Variants in PLEKHA7 observed in about 807,000 individuals in gnomAD.
The protein encoded by PLEKHA7 is pleckstrin homology domain-containing family A member 7.
PLEKHA7 carries 104 observed loss-of-function variants against 170.0 expected under a neutral mutation model. That is an observed-to-expected ratio of 0.61 (90% CI 0.52 to 0.72). The LOEUF (loss-of-function observed/expected upper bound fraction) is 0.72, where lower values mean the gene tolerates loss of function less well. Among genes scored for constraint, PLEKHA7 ranks in the 30% least tolerant of loss-of-function variants. PLEKHA7 has a pLI of 0.00. For missense variants in PLEKHA7, 1,615 were observed against 1,671.7 expected, an observed-to-expected ratio of 0.97 and a Z score of 0.59; for synonymous variants, 648 against 660.8, an observed-to-expected ratio of 0.98 and a Z score of 0.30.
chr11:16,931,141 C>T (rs575254628), intron 3 of PLEKHA7, among the ~76,000 whole-genome samples: 12 of 152,222 alleles, frequency 7.9e-5, no homozygotes, highest in African/African-American at 2.9e-4. Context: ...TCACAAAACA[C>T]CTAATAAGCT....
rs554091972 is a variant in PLEKHA7, at chr11:16,900,414, T to C, written c.222-29232A>G. The stretch of plus-strand genomic sequence containing the variant: ...TTCTGTTAATGCCTTGTAACTTTCA[T>C]GAGGTGTTTTACTAGGTTACAAGTA... On this transcript the variant is annotated intron_variant, in intron 3 of 26. Transcript: ENST00000531066. Among the ~76,000 whole-genome samples, 18 of 152,330 alleles carry C rather than the reference T, an allele frequency of 1.2e-4. No homozygotes were observed. In the South Asian group the frequency reaches 3.7e-3, roughly 32 times the overall value.
chr11:16,952,878 G>A (rs574123512), intron 3 of PLEKHA7, among the ~76,000 whole-genome samples: 36 of 152,274 alleles, frequency 2.4e-4, no homozygotes, highest in Non-Finnish European at 3.4e-4. Flanking sequence ...AGAGAACAAA[G>A]CCTCTATGTA....
chr11:16,951,392 ATAACG>A (rs775711234), intron 3 of PLEKHA7, among the ~76,000 whole-genome samples: 45 of 152,322 alleles, frequency 3.0e-4, no homozygotes, highest in South Asian at 4.1e-4. Context: ...GACAACAACA[ATAACG>A]GTGCATTCTA....
rs1848765929 is a variant in PLEKHA7 at position 16,777,683 on chromosome 11, T to A, written c.*1315A>T. The A allele has an allele frequency of 2.6e-5, 4 of 152,242 alleles. No individual in the cohort carries two copies. The highest frequency in any genetic ancestry group is 2.0e-4 in the Admixed American group (3 of 15,288). The allele number at this position is 152,242 out of a possible 1,614,324, so 9.4% of individuals were successfully genotyped here. A position where few individuals can be genotyped will look rare whatever the true frequency, so the allele number is the denominator to read the frequency against. On this transcript the variant is annotated 3_prime_UTR_variant, in exon 27 of 27. Coordinates refer to ENST00000531066, the MANE Select transcript of PLEKHA7 (RefSeq NM_001329630.2). ...GCCACAAACACTGCACCTGGCTTGG[T>A]AGCCCCCCTCCTCATGTGGGGCTGG... is the stretch of plus-strand genomic sequence containing the variant.
At chr11:16,873,753 G>C (rs1028319503) in intron 3 of PLEKHA7, among the ~76,000 whole-genome samples, 3 of 152,136 alleles carry the variant, frequency 2.0e-5, no homozygotes, top group Admixed American at 2.0e-4. Flanking sequence ...TGCAACCTCT[G>C]CCTCCAGGGT....
chr11:16,882,193 T>C (rs1383328891), intron 3 of PLEKHA7, among the ~76,000 whole-genome samples: 1 of 152,216 alleles, frequency 6.6e-6, no homozygotes, highest in Non-Finnish European at 1.5e-5. Flanking sequence ...CAAGGGGTTT[T>C]GTCCTGAGTC....
chr11:16,906,107 T>A (rs1234553593), intron 3 of PLEKHA7, among the ~76,000 whole-genome samples: 1 of 152,134 alleles, frequency 6.6e-6, no homozygotes, highest in East Asian at 1.9e-4. Context: ...GCAGGACTGT[T>A]GTGGGCTGAA....
chr11:16,804,750 T>C (rs1038612651), intron 13 of PLEKHA7, among the ~76,000 whole-genome samples: 5 of 152,182 alleles, frequency 3.3e-5, no homozygotes, highest in African/African-American at 1.2e-4. Flanking sequence ...TGTTGTTGAG[T>C]TCCCGGAAAA....
At chr11:17,004,546 C>T (rs1225803518) in intron 3 of PLEKHA7, among the ~76,000 whole-genome samples, 2 of 152,038 alleles carry the variant, frequency 1.3e-5, no homozygotes. Flanking sequence ...GCACGCACCA[C>T]CATACCCAGC....
chr11:16,983,222 T>C (rs1331574227), intron 3 of PLEKHA7, among the ~76,000 whole-genome samples: 2 of 152,208 alleles, frequency 1.3e-5, no homozygotes, highest in Non-Finnish European at 2.9e-5. Flanking sequence ...CAACCTGAAA[T>C]GGAACTTCCT....
chr11:16,993,335 G>T (rs10766368), intron 3 of PLEKHA7, among the ~76,000 whole-genome samples: 1 of 151,928 alleles, frequency 6.6e-6, no homozygotes. Context: ...CGGGCAGAGT[G>T]GGGGGCAGGC....
At chr11:16,924,508 G>C (rs1859345278) in intron 3 of PLEKHA7, among the ~76,000 whole-genome samples, 1 of 152,192 alleles carries the variant, frequency 6.6e-6, no homozygotes, top group Non-Finnish European at 1.5e-5. Flanking sequence ...TTGAGGAAGG[G>C]GATGGGAGTG....
chr11:16,848,835 C>A (rs1852684139), intron 8 of PLEKHA7, among the ~76,000 whole-genome samples: 1 of 152,176 alleles, frequency 6.6e-6, no homozygotes, highest in Non-Finnish European at 1.5e-5. Context: ...TAGCACCAGT[C>A]TGAGAACTTC....
chr11:16,889,400 C>CAAAAAAA lies in PLEKHA7; in HGVS notation c.222-18225_222-18219dup, dbSNP rs869268116. Among the ~76,000 whole-genome samples the CAAAAAAA allele has an allele frequency of 3.5e-3, 185 of 52,620 alleles. 5 individuals carry two copies. Among genetic ancestry groups the CAAAAAAA allele is most frequent in the Non-Finnish European group, 5.6e-3 (128 of 22,956 alleles). The allele number at this position is 52,620 out of a possible 152,430, so 34.5% of individuals were successfully genotyped here. ...CAGGTGAATTAAAAGCTTTATTGCT[C>CAAAAAAA]AAAAAAAAAAAAAAAAAAAAATATA... On this transcript the variant is annotated intron_variant, in intron 3 of 26. Transcript: ENST00000531066.
intron 19 of PLEKHA7, among the ~76,000 whole-genome samples, chr11:16,793,792 G>A (rs1232029409): frequency 1.3e-5 from 2 of 152,216 alleles, no homozygotes; most frequent in African/African-American, 4.8e-5. Flanking sequence ...GCAAACCAAG[G>A]TGCTGGCCCA....
intron 3 of PLEKHA7, among the ~76,000 whole-genome samples, chr11:16,884,889 G>A (rs1855967581): frequency 6.6e-6 from 1 of 152,102 alleles, no homozygotes; most frequent in African/African-American, 2.4e-5. Context: ...AGTGTTATAA[G>A]TACTTCAAAA....
In PLEKHA7 at chr11:16,791,072, C is replaced by T. The variant is rs778678973; in HGVS notation, c.2873G>A (p.Arg958Gln). 17 of 1,614,022 alleles carry T rather than the reference C, an allele frequency of 1.1e-5. No individual in the cohort carries two copies. Among genetic ancestry groups the T allele is most frequent in the East Asian group, 2.2e-5 (1 of 44,872 alleles). ...GTCTCGCTTCCTCTCGTCTGACTGC[C>T]GCTTGAGGCCCCGCACAGATGTGTG... ...IRHTSVRGLK[R>Q]QSDERKRDRE... The change falls in exon 20 of 27, where the codon CGG becomes CAG. Residue 958 changes from arginine (R) to glutamine (Q), a missense_variant. Arg to Gln is a conservative substitution (Grantham distance 43). Coordinates refer to ENST00000531066, the MANE Select transcript of PLEKHA7 (RefSeq NM_001329630.2). The surrounding 1 kb of genome is among the most constrained non-coding windows in gnomAD (Gnocchi z 4.5).
At chr11:16,907,358 G>T (rs1398033855) in intron 3 of PLEKHA7, among the ~76,000 whole-genome samples, 1 of 134,310 alleles carries the variant, frequency 7.4e-6, no homozygotes, top group African/African-American at 2.7e-5. Flanking sequence ...CCCTCTGCCC[G>T]GCCAGCCGCC....
intron 4 of PLEKHA7, among the ~76,000 whole-genome samples, chr11:16,866,826 T>C (rs954417602): frequency 1.3e-5 from 2 of 152,112 alleles, no homozygotes; most frequent in African/African-American, 2.4e-5. Context: ...TTTCTTTCGT[T>C]TATGCCTCTG....
Sources: gnomAD v4.1 joint callset for allele counts (sites outside exome capture counted in the v4.1 genomes callset) on GRCh38, gnomAD v4.1.1 for gene constraint, Gnocchi (gnomAD v3.1) non-coding constraint, MANE v1.5 for transcripts, NCBI Gene and HGNC (gene_info 2026-07-23, HGNC 2026-07-21) for gene names.